Variants in CLEC17A observed in about 807,000 individuals in gnomAD.
CLEC17A encodes the protein C-type lectin domain containing 17A, also known as C-type lectin domain family 17, member A.
CLEC17A carries 37 observed loss-of-function variants against 61.3 expected under a neutral mutation model. The ratio of observed to expected loss-of-function variants is 0.60; its 90% confidence interval spans 0.46 to 0.79. The LOEUF is 0.79. Ranked by LOEUF, CLEC17A falls within the 30% of genes least tolerant of loss-of-function variation. The probability of loss-of-function intolerance (pLI) is 0.00; values close to 1 mark genes in which losing one functional copy is unlikely to be tolerated. For synonymous variants in CLEC17A, 168 were observed against 164.9 expected (o/e 1.02, Z -0.14); for missense variants, 418 against 464.7 (o/e 0.90, Z 0.92).
At chr19:14,600,930 T>G (rs1372874611) in intron 12 of CLEC17A, among the ~76,000 whole-genome samples, 2 of 104,258 alleles carry the variant, frequency 1.9e-5, no homozygotes, top group Admixed American at 1.4e-4. Flanking sequence ...TGAGATGGAG[T>G]CTCACTCTGT....
chr19:14,602,746 T>C (rs1217243716), intron 12 of CLEC17A, among the ~76,000 whole-genome samples: 1 of 152,134 alleles, frequency 6.6e-6, no homozygotes, highest in African/African-American at 2.4e-5. Context: ...AAACAGTTTT[T>C]TTTTTTTGAG....
chr19:14,581,473 G>A (rs961988795), upstream of CLEC17A, among the ~76,000 whole-genome samples: 1 of 151,448 alleles, frequency 6.6e-6, no homozygotes, highest in Non-Finnish European at 1.5e-5. Flanking sequence ...ACAGGTGCCC[G>A]CTATCATGTC....
rs1346722807 is a variant in CLEC17A at position 14,597,081 on chromosome 19, T to C, written c.584-18T>C. The C allele has an allele frequency of 3.7e-6, 6 of 1,612,714 alleles. No homozygotes were observed. Among genetic ancestry groups the C allele is most frequent in the Non-Finnish European group, 4.2e-6 (5 of 1,179,398 alleles). Reference sequence around the variant, plus strand: ...GTGCACAGGAGGACCTGGGCTCAATTTGGACTCTTCTTCATAGACCAGGAG... The same window carrying C: ...GTGCACAGGAGGACCTGGGCTCAATCTGGACTCTTCTTCATAGACCAGGAG... On this transcript the variant is annotated intron_variant, in intron 9 of 13. Transcript: ENST00000417570.
At position 14,611,325 on chromosome 19, in the gene CLEC17A, C is replaced by CAGAATCA. The variant is rs1291002413; in HGVS notation, c.*1130_*1136dup. Among the ~76,000 whole-genome samples, 1 of 149,326 alleles carries CAGAATCA rather than the reference C, an allele frequency of 6.7e-6. No homozygotes were observed. The highest frequency in any genetic ancestry group is 1.5e-5 in the Non-Finnish European group (1 of 67,686). On this transcript the variant is annotated 3_prime_UTR_variant, in exon 14 of 14. Coordinates refer to ENST00000417570, the MANE Select transcript of CLEC17A (RefSeq NM_001204118.2). Reference sequence around the variant, plus strand: ...GGTGAGGTTTGCACAAGCTAAGTGGCAGAATCAGACTTTTGCCAGAAGACT... The same window carrying CAGAATCA: ...GGTGAGGTTTGCACAAGCTAAGTGGCAGAATCAAGAATCAGACTTTTGCCAGAAGACT...
At chr19:14,597,235 T>C in intron 10 of CLEC17A, 74 bp downstream of exon 10, 1 of 1,323,042 alleles carries the variant, frequency 7.6e-7, no homozygotes, top group Non-Finnish European at 1.1e-6. Flanking sequence ...AACTCCAAGA[T>C]CCAACCTCAT....
chr19:14,591,074 C>T (rs2146682812), intron 3 of CLEC17A, among the ~76,000 whole-genome samples: 1 of 152,076 alleles, frequency 6.6e-6, no homozygotes, highest in South Asian at 2.1e-4. Flanking sequence ...CTCTTCCACC[C>T]AGGACTTGGT....
chr19:14,610,066 T>G lies in CLEC17A; in HGVS notation c.1007T>G (p.Phe336Cys). Residue 336 changes from phenylalanine (F) to cysteine (C), a missense_variant and splice_region_variant, in exon 14 of 14, where the codon TTC becomes TGC. Coordinates refer to ENST00000417570, the MANE Select transcript of CLEC17A (RefSeq NM_001204118.2). ...TGCCCACTTTTTCCTCCATCCAGCT[T>G]CTGGGAGCCAGAGGAACCCAATAAC... ...WLDGSPVTLSFWEPEEPNNIH... is the reference protein window; with the variant it reads ...WLDGSPVTLSCWEPEEPNNIH... The G allele has an allele frequency of 6.2e-7, 1 of 1,612,968 alleles. No individual in the cohort carries two copies. The highest frequency in any genetic ancestry group is 8.5e-7 in the Non-Finnish European group (1 of 1,179,244).
At chr19:14,588,574 C>T (rs1443053130) in intron 3 of CLEC17A, 1 of 152,036 alleles carries the variant, frequency 6.6e-6, no homozygotes, top group African/African-American at 2.4e-5. Context: ...CCACTCGACA[C>T]CCCCGAGCTG....
intron 4 of CLEC17A, among the ~76,000 whole-genome samples, chr19:14,592,701 T>A (rs1043611103): frequency 6.6e-6 from 1 of 152,136 alleles, no homozygotes; most frequent in Non-Finnish European, 1.5e-5. Flanking sequence ...AATTTCACTC[T>A]GTCACCCAGG....
chr19:14,590,505 C>T (rs1382762689), intron 3 of CLEC17A, among the ~76,000 whole-genome samples: 1 of 151,748 alleles, frequency 6.6e-6, no homozygotes, highest in Non-Finnish European at 1.5e-5. Context: ...TCTCCTGACT[C>T]AGTCTCCCTG....
upstream of CLEC17A, among the ~76,000 whole-genome samples, chr19:14,581,870 T>C (rs2074185994): frequency 6.6e-6 from 1 of 152,188 alleles, no homozygotes; most frequent in African/African-American, 2.4e-5. Flanking sequence ...CAAGCTGGTC[T>C]TAAACTCCTG....
intron 4 of CLEC17A, 165 bp from the exon 5 acceptor site, chr19:14,594,352 A>C: frequency 1.3e-6 from 1 of 782,572 alleles, no homozygotes; most frequent in Non-Finnish European, 2.2e-6. Flanking sequence ...TGGTCACCCT[A>C]CTTAATCCCA....
chr19:14,599,553 C>T, intron 10 of CLEC17A, 164 bp from the exon 11 acceptor site: 1 of 697,360 alleles, frequency 1.4e-6, no homozygotes, highest in Non-Finnish European at 2.6e-6. Flanking sequence ...TTCTCGGATT[C>T]TGAGCACTGT....
chr19:14,585,370 A>C (rs377184886), intron 2 of CLEC17A, among the ~76,000 whole-genome samples: 5,288 of 136,886 alleles, frequency 0.039, 10 homozygotes, highest in African/African-American at 0.18. Context: ...TATATGACTC[A>C]TATGACTCTC....
intron 12 of CLEC17A, among the ~76,000 whole-genome samples, chr19:14,605,207 C>T (rs2074827485): frequency 6.6e-6 from 1 of 151,960 alleles, no homozygotes; most frequent in Non-Finnish European, 1.5e-5. Context: ...AAGCAATTCT[C>T]CTCTCTCAGC....
chr19:14,599,847 G>C (rs564338968), intron 11 of CLEC17A, 35 bp downstream of exon 11: 1 of 1,574,616 alleles, frequency 6.4e-7, no homozygotes, highest in South Asian at 1.1e-5. Flanking sequence ...CAGGGATGGG[G>C]GGCATGGCAG....
At chr19:14,592,800 G>C (rs541228058) in intron 4 of CLEC17A, among the ~76,000 whole-genome samples, 1 of 152,250 alleles carries the variant, frequency 6.6e-6, no homozygotes, top group South Asian at 2.1e-4. Context: ...GATTAGCTGG[G>C]ATTGCAGGCG....
chr19:14,598,418 T>C (rs897197107), intron 10 of CLEC17A, among the ~76,000 whole-genome samples: 1 of 150,046 alleles, frequency 6.7e-6, no homozygotes, highest in South Asian at 2.1e-4. Context: ...TTCCTTCCTT[T>C]CTTCTCTCCC....
chr19:14,600,891 CTTTTTTTTTTTTTT>C (rs71166763), intron 12 of CLEC17A, among the ~76,000 whole-genome samples: 3 of 63,184 alleles, frequency 4.7e-5, no homozygotes, highest in Admixed American at 2.2e-4. Flanking sequence ...GCTCGGCCTT[CTTTTTTTTTTTTTT>C]TTTTTTTTTT....
Sources: gnomAD v4.1 joint callset for allele counts (sites outside exome capture counted in the v4.1 genomes callset) on GRCh38, gnomAD v4.1.1 for gene constraint, MANE v1.5 for transcripts, NCBI Gene and HGNC (gene_info 2026-07-23, HGNC 2026-07-21) for gene names.